ZNF519: variants seen among roughly 807,000 people sequenced by gnomAD.
The protein encoded by ZNF519 is zinc finger protein 519.
ZNF519 carries 7 observed loss-of-function variants against 7.4 expected under a neutral mutation model. The observed-to-expected ratio is 0.94, with a 90% confidence interval of 0.54 to 1.77. The LOEUF is 1.77. Among genes scored for constraint, ZNF519 ranks in the 40% most tolerant of loss-of-function variants. The probability of loss-of-function intolerance (pLI) is 0.00; values close to 1 mark genes in which losing one functional copy is unlikely to be tolerated. For synonymous variants in ZNF519, 179 were observed against 203.3 expected (o/e 0.88, Z 1.02); for missense variants, 586 against 623.1 (o/e 0.94, Z 0.63).
intron 2 of ZNF519, 92 bp downstream of exon 2, chr18:14,124,258 T>C (rs1326700405): frequency 5.8e-6 from 7 of 1,204,036 alleles, no homozygotes; most frequent in Non-Finnish European, 7.8e-6. Context: ...AATTAATTCA[T>C]GCAAAGCAGA....
chr18:14,092,756 C>G (rs1193505745), intron 2 of ZNF519, among the ~76,000 whole-genome samples: 1 of 152,158 alleles, frequency 6.6e-6, no homozygotes, highest in African/African-American at 2.4e-5. Context: ...TCTCCTCGAC[C>G]GAGTTCTAGC....
chr18:14,091,808 C>G (rs2046115772), intron 2 of ZNF519, among the ~76,000 whole-genome samples: 3 of 152,024 alleles, frequency 2.0e-5, no homozygotes, highest in Admixed American at 6.6e-5. Context: ...GGATCACACA[C>G]CTGAGCAGTG....
intron 2 of ZNF519, among the ~76,000 whole-genome samples, chr18:14,109,460 T>C (rs2046210630): frequency 6.6e-6 from 1 of 152,190 alleles, no homozygotes; most frequent in Non-Finnish European, 1.5e-5. Flanking sequence ...GACCATATGT[T>C]AGGTCACAAA....
chr18:14,082,528 CATG>C (rs1432292064), intron 3 of ZNF519: 2 of 152,146 alleles, frequency 1.3e-5, no homozygotes, highest in African/African-American at 4.8e-5. Context: ...CAGTGGCAGA[CATG>C]ATAAGAAAGA....
chr18:14,077,227 T>G (rs2046050950), exon 5 of ZNF519: 1 of 152,234 alleles, frequency 6.6e-6, no homozygotes, highest in Non-Finnish European at 1.5e-5. Context: ...TTTCCACAAG[T>G]TCAGCCCGTG....
intron 1 of ZNF519, among the ~76,000 whole-genome samples, chr18:14,130,849 A>G (rs1223078045): frequency 9.4e-4 from 82 of 87,300 alleles, no homozygotes; most frequent in African/African-American, 3.3e-3. Flanking sequence ...GGTTGGGGGA[A>G]AAAAAAAAAA....
At position 14,105,062 on chromosome 18, in the gene ZNF519, C is replaced by A. The variant is rs1185443236; in HGVS notation, c.1478G>T (p.Cys493Phe). Reference protein sequence around the residue: ...TGEKFFKCKECGKAFTRSSHL... With the variant: ...TGEKFFKCKEFGKAFTRSSHL... Reference sequence around the variant, plus strand: ...TGAGCTCCTGGTAAAAGCTTTGCCACATTCTTTACATTTGAAGAATTTCTC... The same window carrying A: ...TGAGCTCCTGGTAAAAGCTTTGCCAAATTCTTTACATTTGAAGAATTTCTC... The change falls in exon 3 of 3, where the codon TGT becomes TTT. Residue 493 changes from cysteine to phenylalanine, a missense_variant. By Grantham distance (205) the Cys-to-Phe change is radical (BLOSUM62 -2). Coordinates refer to ENST00000590202, the MANE Select transcript of ZNF519 (RefSeq NM_145287.4). 3 of 1,611,754 alleles carry A rather than the reference C, an allele frequency of 1.9e-6. No individual in the cohort carries two copies. The highest frequency in any genetic ancestry group is 2.5e-6 in the Non-Finnish European group (3 of 1,179,006).
chr18:14,074,809 C>CCTTT (rs2046041459), downstream of ZNF519: 1 of 152,320 alleles, frequency 6.6e-6, no homozygotes, highest in Non-Finnish European at 1.5e-5. Context: ...TCCAACCTTT[C>CCTTT]CCTGTTACCC....
intron 2 of ZNF519, among the ~76,000 whole-genome samples, chr18:14,110,179 G>A (rs891084672): frequency 6.6e-6 from 1 of 151,992 alleles, no homozygotes; most frequent in Non-Finnish European, 1.5e-5. Flanking sequence ...ATCTCTGACC[G>A]TATACAAAAA....
chr18:14,122,119 C>T (rs770331754), intron 2 of ZNF519: 1 of 152,108 alleles, frequency 6.6e-6, no homozygotes, highest in East Asian at 1.9e-4. Context: ...TCCAATGTGA[C>T]CCGGGGAAGC....
chr18:14,089,181 A>C (rs2046103870), intron 2 of ZNF519, among the ~76,000 whole-genome samples: 1 of 152,320 alleles, frequency 6.6e-6, no homozygotes, highest in South Asian at 2.1e-4. Flanking sequence ...CTTAAGAACT[A>C]TATAGCAAGT....
downstream of ZNF519, among the ~76,000 whole-genome samples, chr18:14,096,171 T>C (rs2046135711): frequency 1.3e-5 from 2 of 152,204 alleles, no homozygotes. Flanking sequence ...CAAAGTCCTT[T>C]ATGTACTTCC....
intron 2 of ZNF519, chr18:14,085,145 T>C (rs2046085320): frequency 6.6e-6 from 1 of 152,118 alleles, no homozygotes; most frequent in Non-Finnish European, 1.5e-5. Context: ...TCTAGTAAAA[T>C]TCCCTGGGCT....
intron 2 of ZNF519, among the ~76,000 whole-genome samples, chr18:14,115,989 T>C (rs533767016): frequency 5.3e-4 from 81 of 152,330 alleles, no homozygotes; most frequent in South Asian, 4.8e-3. Flanking sequence ...GGGTTATATG[T>C]ACAGGTTTGT....
chr18:14,090,577 T>A lies in ZNF519; in HGVS notation c.131-5501A>T, dbSNP rs926061699. The A allele has an allele frequency of 2.2e-4, 34 of 151,804 alleles. 1 individual carries two copies. Among genetic ancestry groups the A allele is most frequent in the African/African-American group, 7.5e-4 (31 of 41,316 alleles). 9.4% of individuals were successfully genotyped at this position (151,804 alleles called of 1,614,324 possible). ...TCCCTTCCCCAGGAGTGGGCCTGGGTCTTAAAGAGTGCTGCCCCTCCCCTC... is the reference window on the plus strand; with the variant it reads ...TCCCTTCCCCAGGAGTGGGCCTGGGACTTAAAGAGTGCTGCCCCTCCCCTC... On this transcript the variant is annotated intron_variant and NMD_transcript_variant, in intron 2 of 4. Coordinates refer to the ZNF519 transcript ENST00000587419.
At chr18:14,081,242 C>T (rs1208892697) in intron 3 of ZNF519, among the ~76,000 whole-genome samples, 1 of 151,814 alleles carries the variant, frequency 6.6e-6, no homozygotes, top group Non-Finnish European at 1.5e-5. Context: ...ATGGGGGACA[C>T]TATGCATGTA....
At chr18:14,124,532 G>A in intron 1 of ZNF519, 56 bp from the exon 2 acceptor site, 1 of 1,579,688 alleles carries the variant, frequency 6.3e-7, no homozygotes, top group Non-Finnish European at 8.6e-7. Flanking sequence ...GATGAAATGA[G>A]TTAAAATAAC....
At chr18:14,118,453 C>T (rs2046256174) in intron 2 of ZNF519, among the ~76,000 whole-genome samples, 1 of 152,164 alleles carries the variant, frequency 6.6e-6, no homozygotes, top group Admixed American at 6.5e-5. Context: ...AAATAAGACA[C>T]TAATGAAGTG....
At chr18:14,095,616 G>T (rs7232985), downstream of ZNF519, among the ~76,000 whole-genome samples, 1 of 152,148 alleles carries the variant, frequency 6.6e-6, no homozygotes, top group Admixed American at 6.5e-5. Flanking sequence ...CCAGAGCTGC[G>T]GGTCTCCACA....
Sources: gnomAD v4.1 joint callset for allele counts (sites outside exome capture counted in the v4.1 genomes callset) on GRCh38, gnomAD v4.1.1 for gene constraint, MANE v1.5 for transcripts, NCBI Gene and HGNC (gene_info 2026-07-23, HGNC 2026-07-21) for gene names.